ITSN1: variants seen among roughly 807,000 people sequenced by gnomAD.
ITSN1 encodes the protein intersectin 1, also known as intersectin-1.
A neutral mutation model predicts 239.8 loss-of-function variants in ITSN1; 58 were observed. That is an observed-to-expected ratio of 0.24 (90% CI 0.20 to 0.30). The LOEUF is 0.30. ITSN1 is among the 10% of genes least tolerant of loss of function. The pLI, the probability that ITSN1 is intolerant of heterozygous loss-of-function variation, is 1.00. For synonymous variants in ITSN1, 780 were observed against 770.8 expected (o/e 1.01, Z -0.20); for missense variants, 1,558 against 2,103.3 (o/e 0.74, Z 5.07).
Position 33,895,546 on chromosome 21 carries a change from T to C in ITSN1, c.*7246T>C, listed in dbSNP as rs934335149. On this transcript the variant is annotated 3_prime_UTR_variant, in exon 40 of 40. Coordinates refer to ENST00000381318, the MANE Select transcript of ITSN1 (RefSeq NM_003024.3). ...GCATGTGTGTGTGTCTACGTGTGTG[T>C]GCACGCATGTGTGTGCGTGTATGTG... is the stretch of plus-strand genomic sequence containing the variant. 1 of 150,488 alleles carries C rather than the reference T, an allele frequency of 6.6e-6. No individual in the cohort carries two copies. Among genetic ancestry groups the C allele is most frequent in the Admixed American group, 6.7e-5 (1 of 14,982 alleles). 9.3% of individuals were successfully genotyped at this position (150,488 alleles called of 1,614,324 possible).
intron 1 of ITSN1, among the ~76,000 whole-genome samples, chr21:33,656,906 A>G (rs922931949): frequency 1.3e-5 from 2 of 152,078 alleles, no homozygotes; most frequent in African/African-American, 4.8e-5. Context: ...TTTTTAGTAG[A>G]GACGGGGTTT....
intron 1 of ITSN1, among the ~76,000 whole-genome samples, chr21:33,693,746 G>A (rs1049948291): frequency 6.6e-6 from 1 of 152,210 alleles, no homozygotes; most frequent in African/African-American, 2.4e-5. Flanking sequence ...CTATTCTGCA[G>A]TGATTTCTTA....
At chr21:33,783,575 G>T (rs1431176579) in intron 16 of ITSN1, among the ~76,000 whole-genome samples, 2 of 151,732 alleles carry the variant, frequency 1.3e-5, no homozygotes, top group African/African-American at 4.8e-5. Flanking sequence ...TGGAAGTACA[G>T]CTGTAAATTA....
intron 24 of ITSN1, among the ~76,000 whole-genome samples, chr21:33,819,823 A>G (rs1350649931): frequency 6.6e-6 from 1 of 151,888 alleles, no homozygotes; most frequent in Non-Finnish European, 1.5e-5. Context: ...TCTACTAAAA[A>G]TACAAAAAAT....
At chr21:33,839,586 A>G (rs1362968265) in intron 29 of ITSN1, among the ~76,000 whole-genome samples, 3 of 152,084 alleles carry the variant, frequency 2.0e-5, no homozygotes, top group Non-Finnish European at 2.9e-5. Flanking sequence ...CTTCCCCAGG[A>G]TCCCTTCAGC....
intron 14 of ITSN1, among the ~76,000 whole-genome samples, chr21:33,778,680 G>T (rs1156477593): frequency 1.6e-5 from 2 of 125,944 alleles, no homozygotes; most frequent in Non-Finnish European, 3.1e-5. Flanking sequence ...CCGGGTTCAC[G>T]CCATTCTCCT....
chr21:33,846,611 C>A (rs866717808), intron 29 of ITSN1, among the ~76,000 whole-genome samples: 2 of 152,194 alleles, frequency 1.3e-5, no homozygotes, highest in African/African-American at 4.8e-5. Context: ...ATCCCCATGG[C>A]GCCTCACTCT....
chr21:33,831,331 G>C (rs1224407270), intron 27 of ITSN1, among the ~76,000 whole-genome samples: 1 of 152,170 alleles, frequency 6.6e-6, no homozygotes, highest in African/African-American at 2.4e-5. Context: ...CGTAACACAG[G>C]GGGGCCTCAG....
At chr21:33,808,276 A>G (rs551757850) in intron 20 of ITSN1, among the ~76,000 whole-genome samples, 12 of 151,428 alleles carry the variant, frequency 7.9e-5, no homozygotes, top group Non-Finnish European at 1.3e-4. Flanking sequence ...GCTGGACAGC[A>G]GAAGAGAGAA....
chr21:33,794,006 G>A (rs748054469), intron 16 of ITSN1, among the ~76,000 whole-genome samples: 4 of 152,310 alleles, frequency 2.6e-5, no homozygotes, highest in Middle Eastern at 6.8e-3. Context: ...CATGATCATC[G>A]TCATATCTTG....
chr21:33,766,922 C>T (rs995443087), intron 10 of ITSN1, among the ~76,000 whole-genome samples: 9 of 152,192 alleles, frequency 5.9e-5, no homozygotes, highest in Non-Finnish European at 1.0e-4. Flanking sequence ...AATCCCAGCA[C>T]GTTGGGAGGC....
intron 1 of ITSN1, among the ~76,000 whole-genome samples, chr21:33,652,085 G>A (rs2088590974): frequency 6.6e-6 from 1 of 151,378 alleles, no homozygotes; most frequent in Non-Finnish European, 1.5e-5. Flanking sequence ...GATAATGACT[G>A]TTAATACCCT....
At chr21:33,710,952 C>G (rs949854102) in intron 1 of ITSN1, among the ~76,000 whole-genome samples, 1 of 151,814 alleles carries the variant, frequency 6.6e-6, no homozygotes, top group East Asian at 1.9e-4. Flanking sequence ...ACTACAGGCG[C>G]GTGCTACCAC....
Position 33,717,619 on chromosome 21 carries a change from A to G in ITSN1, c.-32-1178A>G, listed in dbSNP as rs538570818. On this transcript the variant is annotated intron_variant, in intron 1 of 39. Transcript: ENST00000381318. ...CACCCAGGCTGGAGTGCAGGGGTGC[A>G]ATCTCGGCTCACTGCAAGCTCCATC... 1.3e-4 allele frequency among the ~76,000 whole-genome samples: 19 copies of G among 151,910 alleles called. No homozygotes were observed. The South Asian group carries it at 2.1e-3, about 17-fold the overall frequency.
At chr21:33,761,493 G>A (rs986172519) in intron 8 of ITSN1, among the ~76,000 whole-genome samples, 6 of 151,520 alleles carry the variant, frequency 4.0e-5, no homozygotes, top group African/African-American at 9.7e-5. Flanking sequence ...AAGATTCTCC[G>A]AATCTTCCCT....
At chr21:33,666,041 G>A (rs2089910237) in intron 1 of ITSN1, among the ~76,000 whole-genome samples, 1 of 151,764 alleles carries the variant, frequency 6.6e-6, no homozygotes, top group African/African-American at 2.4e-5. Context: ...CTATTCTCGT[G>A]CCTGAGCCTC....
chr21:33,666,631 A>G (rs375745905), intron 1 of ITSN1, among the ~76,000 whole-genome samples: 154 of 152,326 alleles, frequency 1.0e-3, no homozygotes, highest in African/African-American at 3.4e-3. Context: ...TTGTAAATCT[A>G]GAAAAGATGA....
At chr21:33,718,119 G>A (rs976340086) in intron 1 of ITSN1, among the ~76,000 whole-genome samples, 1 of 152,146 alleles carries the variant, frequency 6.6e-6, no homozygotes, top group African/African-American at 2.4e-5. Flanking sequence ...TCATTTACCT[G>A]ATCCATAATA....
intron 1 of ITSN1, among the ~76,000 whole-genome samples, chr21:33,678,010 A>G (rs2090699966): frequency 6.6e-6 from 1 of 152,172 alleles, no homozygotes; most frequent in African/African-American, 2.4e-5. Context: ...CCCTTGATTA[A>G]AACCTTTCAA....
Sources: allele counts gnomAD v4.1 joint callset (sites outside exome capture counted in the v4.1 genomes callset), GRCh38; gene constraint gnomAD v4.1.1; transcripts MANE v1.5; gene names NCBI Gene and HGNC (gene_info 2026-07-23, HGNC 2026-07-21).